FARS2: variants seen among roughly 807,000 people sequenced by gnomAD.
FARS2 encodes phenylalanyl-tRNA synthetase 2, mitochondrial, also known as phenylalanine--tRNA ligase, mitochondrial.
FARS2 carries 40 observed loss-of-function variants against 46.4 expected under a neutral mutation model. The ratio of observed to expected loss-of-function variants is 0.86; its 90% CI spans 0.67 to 1.12. FARS2 has a LOEUF of 1.12. Ranked by LOEUF, FARS2 falls within the 50% of genes most tolerant of loss-of-function variation. The pLI is 0.00. For missense variants in FARS2, 513 were observed against 567.9 expected, an observed-to-expected ratio of 0.90 and a Z score of 0.98; for synonymous variants, 234 against 214.9, an observed-to-expected ratio of 1.09 and a Z score of -0.78.
intron 6 of FARS2, among the ~76,000 whole-genome samples, chr6:5,689,965 G>A (rs1251951327): frequency 6.6e-6 from 1 of 152,132 alleles, no homozygotes; most frequent in Non-Finnish European, 1.5e-5. Context: ...GGCCTTCTTT[G>A]TCTCTTTTGA....
intron 5 of FARS2, among the ~76,000 whole-genome samples, chr6:5,608,882 C>T (rs368105422): frequency 9.8e-5 from 9 of 91,554 alleles, no homozygotes; most frequent in African/African-American, 3.3e-4. Context: ...TAACTTTATA[C>T]AGCACATTAA....
chr6:5,581,788 A>G (rs1773345006), intron 5 of FARS2, among the ~76,000 whole-genome samples: 1 of 152,188 alleles, frequency 6.6e-6, no homozygotes, highest in Non-Finnish European at 1.5e-5. Context: ...TGGTCACGGT[A>G]ACATACTTCC....
intron 4 of FARS2, among the ~76,000 whole-genome samples, chr6:5,480,205 G>A (rs548977244): frequency 8.5e-5 from 13 of 152,344 alleles, no homozygotes; most frequent in Admixed American, 2.6e-4. Flanking sequence ...AATCATGATC[G>A]TCTAAACGGA....
intron 1 of FARS2, among the ~76,000 whole-genome samples, chr6:5,339,782 C>T (rs1348545105): frequency 6.6e-6 from 1 of 152,098 alleles, no homozygotes; most frequent in African/African-American, 2.4e-5. Flanking sequence ...TGGCTCACAG[C>T]AACTTATAAA....
At chr6:5,527,048 TCAGA>T (rs34471823) in intron 4 of FARS2, among the ~76,000 whole-genome samples, 32,890 of 152,078 alleles carry the variant, frequency 0.22, 4,837 homozygotes, top group Non-Finnish European at 0.32. Flanking sequence ...CAGGAAGGAA[TCAGA>T]CAGTCTTCTT....
intron 6 of FARS2, among the ~76,000 whole-genome samples, chr6:5,693,602 A>C (rs1757908604): frequency 6.6e-6 from 1 of 152,188 alleles, no homozygotes; most frequent in Non-Finnish European, 1.5e-5. Context: ...AACTGCCTCA[A>C]AACTTTGTGA....
At chr6:5,440,241 C>CGAAGTTATA (rs1314577577) in intron 4 of FARS2, among the ~76,000 whole-genome samples, 17 of 151,786 alleles carry the variant, frequency 1.1e-4, no homozygotes, top group African/African-American at 3.6e-4. Flanking sequence ...TCAGATATAC[C>CGAAGTTATA]TACATATAGA....
intron 4 of FARS2, among the ~76,000 whole-genome samples, chr6:5,487,970 C>A (rs1766878814): frequency 6.6e-6 from 1 of 152,174 alleles, no homozygotes; most frequent in Non-Finnish European, 1.5e-5. Flanking sequence ...GGAAGCTGGA[C>A]TCTGGGGCTT....
chr6:5,585,785 T>C (rs551369026), intron 5 of FARS2, among the ~76,000 whole-genome samples: 2 of 152,172 alleles, frequency 1.3e-5, no homozygotes, highest in Admixed American at 6.5e-5. Flanking sequence ...TATACACATA[T>C]ATATGTCAAT....
chr6:5,486,044 C>G (rs1477416936), intron 4 of FARS2, among the ~76,000 whole-genome samples: 1 of 152,208 alleles, frequency 6.6e-6, no homozygotes, highest in Non-Finnish European at 1.5e-5. Flanking sequence ...TTCTGAACTT[C>G]TTTTCCCTGC....
intron 6 of FARS2, among the ~76,000 whole-genome samples, chr6:5,751,975 A>G (rs1191885363): frequency 1.3e-5 from 2 of 152,130 alleles, no homozygotes; most frequent in African/African-American, 2.4e-5. Context: ...GCCCCTCTTC[A>G]TGGGGTGTCC....
At chr6:5,589,650 C>T (rs1350510305) in intron 5 of FARS2, among the ~76,000 whole-genome samples, 2 of 152,216 alleles carry the variant, frequency 1.3e-5, no homozygotes, top group Non-Finnish European at 2.9e-5. Flanking sequence ...ACATTGCAAC[C>T]TGCCATATCT....
At chr6:5,709,752 G>A (rs1480614001) in intron 6 of FARS2, among the ~76,000 whole-genome samples, 4 of 151,766 alleles carry the variant, frequency 2.6e-5, no homozygotes, top group African/African-American at 7.3e-5. Context: ...GTGTGCGCGC[G>A]CGCGTGTGTG....
chr6:5,467,620 T>C (rs998828157), intron 4 of FARS2, among the ~76,000 whole-genome samples: 1 of 152,202 alleles, frequency 6.6e-6, no homozygotes, highest in Non-Finnish European at 1.5e-5. Context: ...AGGTGAACAA[T>C]CTAATTTTTT....
chr6:5,452,510 A>C (rs1037196518), intron 4 of FARS2: 1 of 152,208 alleles, frequency 6.6e-6, no homozygotes, highest in Non-Finnish European at 1.5e-5. Context: ...GGCAGTCCTC[A>C]TGCTCATTTT....
intron 1 of FARS2, among the ~76,000 whole-genome samples, chr6:5,319,871 C>G (rs1282981050): frequency 6.6e-6 from 1 of 152,142 alleles, no homozygotes; most frequent in Admixed American, 6.5e-5. Flanking sequence ...CAGACTGCTT[C>G]TAACAACCTA....
rs1348791929 is a variant in FARS2, at chr6:5,699,002, C to T, written c.1218-72289C>T. On this transcript the variant is annotated intron_variant, in intron 6 of 6. Coordinates refer to ENST00000274680, the MANE Select transcript of FARS2 (RefSeq NM_006567.5). ...GGCAATTCCCCCATGTGCCTGGAAG[C>T]AGAGGGAAGGCACTGTGCTGTGCAG... Among the ~76,000 whole-genome samples, 5 of 152,316 alleles carry T rather than the reference C, an allele frequency of 3.3e-5. No individual in the cohort carries two copies. The South Asian group carries it at 1.0e-3, about 32-fold the overall frequency.
chr6:5,468,841 A>G (rs914286626), intron 4 of FARS2, among the ~76,000 whole-genome samples: 4 of 152,220 alleles, frequency 2.6e-5, no homozygotes, highest in Admixed American at 2.6e-4. Context: ...TTACAGGGTA[A>G]TGTATGGGAG....
intron 6 of FARS2, among the ~76,000 whole-genome samples, chr6:5,637,493 A>C (rs900485026): frequency 6.6e-6 from 1 of 152,226 alleles, no homozygotes; most frequent in Non-Finnish European, 1.5e-5. Context: ...TGTAAGTGAC[A>C]GAGACAGCAT....
Sources: allele counts gnomAD v4.1 joint callset (sites outside exome capture counted in the v4.1 genomes callset), GRCh38; gene constraint gnomAD v4.1.1; transcripts MANE v1.5; gene names NCBI Gene and HGNC (gene_info 2026-07-23, HGNC 2026-07-21).